EXOC4: variants seen among roughly 807,000 people sequenced by gnomAD.
EXOC4 encodes exocyst complex component 4.
A neutral mutation model predicts 107.2 loss-of-function variants in EXOC4; 71 were observed. The ratio of observed to expected loss-of-function variants is 0.66; its 90% CI spans 0.55 to 0.81. The LOEUF (loss-of-function observed/expected upper bound fraction) is 0.81. Among genes scored for constraint, EXOC4 ranks in the 30% least tolerant of loss-of-function variants. The pLI is 0.00. For synonymous variants in EXOC4, 456 were observed against 441.2 expected, an observed-to-expected ratio of 1.03 and a Z score of -0.42; for missense variants, 1,108 against 1,189.6, an observed-to-expected ratio of 0.93 and a Z score of 1.01.
At chr7:134,054,919 A>G (rs1302378359) in intron 17 of EXOC4, among the ~76,000 whole-genome samples, 2 of 152,000 alleles carry the variant, frequency 1.3e-5, no homozygotes, top group African/African-American at 2.4e-5. Context: ...TTAGTCTATT[A>G]TTTTTCTAAT....
chr7:133,283,319 C>T (rs944458715), intron 2 of EXOC4, among the ~76,000 whole-genome samples: 3 of 152,164 alleles, frequency 2.0e-5, no homozygotes, highest in Admixed American at 6.5e-5. Flanking sequence ...AAGTGATCTA[C>T]CCACCTCAGG....
intron 14 of EXOC4, among the ~76,000 whole-genome samples, chr7:133,977,263 T>C (rs1793860589): frequency 6.6e-6 from 1 of 152,150 alleles, no homozygotes. Context: ...TTCTAAAAAG[T>C]TAAAAAGTAA....
At chr7:133,905,534 T>A (rs1862873) in intron 12 of EXOC4, among the ~76,000 whole-genome samples, 94,182 of 152,004 alleles carry the variant, frequency 0.62, 31,611 homozygotes, top group African/African-American at 0.89. Context: ...CTGAGATCCA[T>A]CCAGCAGCTC....
intron 2 of EXOC4, among the ~76,000 whole-genome samples, chr7:133,282,705 T>G (rs1794184785): frequency 6.6e-6 from 1 of 152,178 alleles, no homozygotes; most frequent in Non-Finnish European, 1.5e-5. Flanking sequence ...TGTTTTGAAA[T>G]ATGTATACAC....
At chr7:133,575,161 C>A (rs747493667) in intron 9 of EXOC4, among the ~76,000 whole-genome samples, 2 of 152,090 alleles carry the variant, frequency 1.3e-5, no homozygotes, top group Non-Finnish European at 2.9e-5. Flanking sequence ...TAGAGTTACC[C>A]CTTGTGGCTT....
At chr7:134,090,533 A>AT in the EXOC4 span, among the ~76,000 whole-genome samples, 7 of 152,170 alleles carry the variant, frequency 4.6e-5, no homozygotes, top group South Asian at 1.0e-3. Flanking sequence ...ATAAAAAGTT[A>AT]TTTTTACCAT....
intron 14 of EXOC4, among the ~76,000 whole-genome samples, chr7:133,961,498 G>A (rs1243834744): frequency 1.3e-5 from 2 of 151,974 alleles, no homozygotes; most frequent in Non-Finnish European, 2.9e-5. Flanking sequence ...ATGTTGGCCA[G>A]GCTGGTCTTG....
chr7:134,028,643 G>A (rs1442262846), intron 17 of EXOC4, among the ~76,000 whole-genome samples: 1 of 152,178 alleles, frequency 6.6e-6, no homozygotes, highest in African/African-American at 2.4e-5. Flanking sequence ...GAAGATGAGT[G>A]TCTTCACCTA....
At chr7:133,735,881 C>T (rs1470213388) in intron 10 of EXOC4, among the ~76,000 whole-genome samples, 4 of 152,068 alleles carry the variant, frequency 2.6e-5, no homozygotes, top group Middle Eastern at 3.4e-3. Context: ...GAGGTTAGTT[C>T]GAAACCAGCC....
At chr7:133,603,132 C>A (rs1287532379) in intron 9 of EXOC4, among the ~76,000 whole-genome samples, 1 of 152,070 alleles carries the variant, frequency 6.6e-6, no homozygotes, top group African/African-American at 2.4e-5. Flanking sequence ...TTTACTCTTT[C>A]ATCTGCTGGT....
chr7:133,353,557 T>A (rs1353431899), intron 5 of EXOC4, among the ~76,000 whole-genome samples: 1 of 152,142 alleles, frequency 6.6e-6, no homozygotes, highest in African/African-American at 2.4e-5. Flanking sequence ...CTTCGCTCAC[T>A]ACTTTCAAGA....
At chr7:133,519,526 G>A (rs2150908600) in intron 9 of EXOC4, among the ~76,000 whole-genome samples, 1 of 152,078 alleles carries the variant, frequency 6.6e-6, no homozygotes, top group South Asian at 2.1e-4. Flanking sequence ...AAACACTACA[G>A]CCTCAAACAT....
intron 9 of EXOC4, among the ~76,000 whole-genome samples, chr7:133,504,128 T>G (rs941597519): frequency 2.6e-4 from 40 of 152,124 alleles, no homozygotes; most frequent in African/African-American, 9.2e-4. Flanking sequence ...TAAAAGCATA[T>G]GAAATGATAT....
At chr7:133,558,286 G>A (rs573533736) in intron 9 of EXOC4, among the ~76,000 whole-genome samples, 3 of 128,206 alleles carry the variant, frequency 2.3e-5, no homozygotes, top group Admixed American at 1.6e-4. Context: ...CCTGTAATCT[G>A]TTATAAATGT....
intron 7 of EXOC4, among the ~76,000 whole-genome samples, chr7:133,440,652 A>C (rs1314817468): frequency 6.6e-6 from 1 of 152,348 alleles, no homozygotes; most frequent in South Asian, 2.1e-4. Context: ...GGGCAAACCC[A>C]CTAAAACCAA....
At chr7:133,352,718 A>AT (rs1795938451) in intron 5 of EXOC4, among the ~76,000 whole-genome samples, 1 of 151,772 alleles carries the variant, frequency 6.6e-6, no homozygotes, top group South Asian at 2.1e-4. Flanking sequence ...TTTACCCCTC[A>AT]TGTTCTACAT....
intron 6 of EXOC4, among the ~76,000 whole-genome samples, chr7:133,362,917 T>A (rs1397521271): frequency 6.6e-6 from 1 of 152,192 alleles, no homozygotes. Flanking sequence ...GAAAAGTCAT[T>A]CAAGAGCAGC....
intron 14 of EXOC4, among the ~76,000 whole-genome samples, chr7:133,971,274 T>TAA (rs142910568): frequency 1.4e-5 from 2 of 142,076 alleles, no homozygotes; most frequent in Admixed American, 7.3e-5. Flanking sequence ...GTTGGTTTTT[T>TAA]AAAAAAAATA....
At chr7:133,789,211 A>G (rs1796653229) in intron 10 of EXOC4, among the ~76,000 whole-genome samples, 1 of 152,152 alleles carries the variant, frequency 6.6e-6, no homozygotes, top group South Asian at 2.1e-4. Flanking sequence ...TAGGGGCCAG[A>G]GCATTTTCTG....
Sources: allele counts gnomAD v4.1 joint callset (sites outside exome capture counted in the v4.1 genomes callset), GRCh38; gene constraint gnomAD v4.1.1; transcripts MANE v1.5; gene names NCBI Gene and HGNC (gene_info 2026-07-23, HGNC 2026-07-21).